Variants in KIZ observed in about 807,000 individuals in gnomAD.
KIZ encodes the protein centrosomal protein kizuna.
KIZ carries 68 observed loss-of-function variants against 79.6 expected under a neutral mutation model. That is an observed-to-expected ratio of 0.85 (90% CI 0.70 to 1.05). KIZ has a LOEUF of 1.05. Ranked by LOEUF, KIZ falls within the 50% of genes least tolerant of loss-of-function variation. The pLI is 0.00. For synonymous variants in KIZ, 280 were observed against 281.8 expected (o/e 0.99, Z 0.06); for missense variants, 797 against 800.4 (o/e 1.00, Z 0.05).
At chr20:21,182,184 G>A (rs937456763) in intron 6 of KIZ, among the ~76,000 whole-genome samples, 3 of 152,110 alleles carry the variant, frequency 2.0e-5, no homozygotes, top group Non-Finnish European at 4.4e-5. Flanking sequence ...GGAAGGTAGG[G>A]CTGTCATGAT....
rs1431186234 is a variant in KIZ, at chr20:21,142,789, T to TTAAA, written c.316-2776_316-2775insTAAA. Among the ~76,000 whole-genome samples, 13 of 46,170 alleles carry TTAAA rather than the reference T, an allele frequency of 2.8e-4. No homozygotes were observed. The South Asian group carries it at 9.6e-3, about 34-fold the overall frequency. The allele number at this position is 46,170 out of a possible 152,430, so 30.3% of individuals were successfully genotyped here. A position where few individuals can be genotyped will look rare whatever the true frequency, so the allele number is the denominator to read the frequency against. ...CTGGGTGACAGAGCAAGCCCTTGTCTCAAATAAATAAATAAATAAATAAAT... is the reference window on the plus strand; with the variant it reads ...CTGGGTGACAGAGCAAGCCCTTGTCTTAAACAAATAAATAAATAAATAAATAAAT... On this transcript the variant is annotated intron_variant, in intron 3 of 12. Transcript: ENST00000619189.
intron 6 of KIZ, among the ~76,000 whole-genome samples, chr20:21,178,144 A>G (rs1269069078): frequency 6.6e-6 from 1 of 152,072 alleles, no homozygotes; most frequent in South Asian, 2.1e-4. Flanking sequence ...TAGCAATTTC[A>G]TAGAATCTGG....
chr20:21,212,698 G>T (rs138781842), intron 7 of KIZ, among the ~76,000 whole-genome samples: 1 of 152,206 alleles, frequency 6.6e-6, no homozygotes, highest in African/African-American at 2.4e-5. Context: ...TTACCTCACC[G>T]TGGAAAAGAG....
intron 9 of KIZ, among the ~76,000 whole-genome samples, chr20:21,227,611 A>G (rs2036698811): frequency 6.6e-6 from 1 of 152,160 alleles, no homozygotes; most frequent in African/African-American, 2.4e-5. Flanking sequence ...CTTTGATTTT[A>G]TTAATATTAT....
intron 6 of KIZ, among the ~76,000 whole-genome samples, chr20:21,176,699 C>T (rs917794907): frequency 6.6e-6 from 1 of 151,884 alleles, no homozygotes; most frequent in East Asian, 1.9e-4. Flanking sequence ...CTCTAGGGCT[C>T]TAGAGCTCTA....
chr20:21,165,744 T>C (rs1411267450), intron 6 of KIZ, among the ~76,000 whole-genome samples: 1 of 152,166 alleles, frequency 6.6e-6, no homozygotes, highest in Non-Finnish European at 1.5e-5. Context: ...TTTGCAGATA[T>C]AATGAAGGTC....
chr20:21,156,375 A>G (rs180808624), intron 4 of KIZ, among the ~76,000 whole-genome samples: 1 of 152,232 alleles, frequency 6.6e-6, no homozygotes, highest in East Asian at 1.9e-4. Flanking sequence ...ATAGAATGGT[A>G]TTACATTGTT....
rs1463828137 is a variant in KIZ, at chr20:21,131,737, C to T, written c.90-360C>T. The T allele has an allele frequency of 1.9e-5, 4 of 210,278 alleles. No individual in the cohort carries two copies. In the East Asian group the frequency reaches 6.6e-4, roughly 35 times the overall value. The allele number at this position is 210,278 out of a possible 1,614,324, so 13.0% of individuals were successfully genotyped here. ...AGGCCTAGAACAGTGCCTGGGTCAT[C>T]ATAGGCACTCAGGAAATACTTGCTA... is the stretch of plus-strand genomic sequence containing the variant. On this transcript the variant is annotated intron_variant, in intron 1 of 12. Coordinates refer to ENST00000619189, the MANE Select transcript of KIZ (RefSeq NM_018474.6).
intron 6 of KIZ, among the ~76,000 whole-genome samples, chr20:21,163,797 G>A (rs986220977): frequency 6.6e-6 from 1 of 152,162 alleles, no homozygotes; most frequent in Non-Finnish European, 1.5e-5. Context: ...ATATGTTTTT[G>A]TGCTACTGAT....
At chr20:21,149,030 G>A (rs2032984880) in intron 4 of KIZ, 1 of 152,234 alleles carries the variant, frequency 6.6e-6, no homozygotes, top group Non-Finnish European at 1.5e-5. Context: ...AACACTTTAT[G>A]TGTATCAACT....
At chr20:21,174,021 T>C (rs1388726413) in intron 6 of KIZ, among the ~76,000 whole-genome samples, 1 of 152,166 alleles carries the variant, frequency 6.6e-6, no homozygotes, top group African/African-American at 2.4e-5. Flanking sequence ...CAGAAGACGC[T>C]GCAGGGAAGA....
At chr20:21,201,263 T>C (rs541790188) in intron 6 of KIZ, among the ~76,000 whole-genome samples, 1 of 152,226 alleles carries the variant, frequency 6.6e-6, no homozygotes, top group Non-Finnish European at 1.5e-5. Flanking sequence ...CTATGAATTA[T>C]AAAAATATGA....
chr20:21,134,776 C>T (rs1219914975), intron 2 of KIZ, among the ~76,000 whole-genome samples: 3 of 151,490 alleles, frequency 2.0e-5, no homozygotes, highest in South Asian at 2.1e-4. Context: ...AAGCAATTCT[C>T]CTGCCTCAGC....
chr20:21,141,823 A>ACACTCTCTCT (rs1403117528), intron 3 of KIZ, among the ~76,000 whole-genome samples: 1 of 103,944 alleles, frequency 9.6e-6, no homozygotes, highest in Non-Finnish European at 2.0e-5. Flanking sequence ...ACACACACAC[A>ACACTCTCTCT]CTCTCTCTCT....
chr20:21,136,426 GA>G lies in KIZ; in HGVS notation c.191del (p.Lys64ArgfsTer18). On this transcript the variant is annotated frameshift_variant, in exon 3 of 13. Transcript: ENST00000619189. LOFTEE classifies it high-confidence loss of function. ...AATATGTAAAACTAAAGAATTATCT[GA>G]AGGAAATATGTGAATCTGAAAAGAA... ...LKYVKLKNYL[K>X]EICESEKKAH... 1.3e-6 allele frequency: 2 copies of G among 1,559,502 alleles called. No homozygotes were observed. The highest frequency in any genetic ancestry group is 1.7e-6 in the Non-Finnish European group (2 of 1,144,710).
At chr20:21,239,665 G>C (rs968721113) in intron 11 of KIZ, among the ~76,000 whole-genome samples, 1 of 152,126 alleles carries the variant, frequency 6.6e-6, no homozygotes, top group African/African-American at 2.4e-5. Context: ...TTCTAGCTAC[G>C]TTAGCCTTTT....
chr20:21,228,902 T>C (rs139212150), intron 9 of KIZ, 109 bp from the exon 10 acceptor site: 60 of 583,040 alleles, frequency 1.0e-4, no homozygotes, highest in African/African-American at 7.4e-4. Context: ...GTTCAAAAAA[T>C]AATAATTTGC....
At chr20:21,210,667 A>G (rs2036030068) in intron 7 of KIZ, among the ~76,000 whole-genome samples, 1 of 152,122 alleles carries the variant, frequency 6.6e-6, no homozygotes, top group African/African-American at 2.4e-5. Context: ...TTTGCTATGC[A>G]TGGCCAGATC....
intron 6 of KIZ, chr20:21,194,152 T>C (rs879507350): frequency 8.5e-5 from 13 of 152,326 alleles, no homozygotes; most frequent in Admixed American, 8.5e-4. Context: ...ATTTTTTACA[T>C]TTATTATGTG....
Sources: allele counts gnomAD v4.1 joint callset (sites outside exome capture counted in the v4.1 genomes callset), GRCh38; gene constraint gnomAD v4.1.1; transcripts MANE v1.5; gene names NCBI Gene and HGNC (gene_info 2026-07-23, HGNC 2026-07-21).